The following RFX8 variants were observed in gnomAD, a reference collection of about 807,000 sequenced individuals.
The protein encoded by RFX8 is DNA-binding protein RFX8.
A neutral mutation model predicts 54.6 loss-of-function variants in RFX8; 46 were observed. The ratio of observed to expected loss-of-function variants is 0.84; its 90% CI spans 0.67 to 1.08. The LOEUF is 1.08. Among genes scored for constraint, RFX8 ranks in the 50% least tolerant of loss-of-function variants. The pLI is 0.00. For synonymous variants in RFX8, 192 were observed against 209.5 expected, an observed-to-expected ratio of 0.92 and a Z score of 0.72; for missense variants, 536 against 562.3, an observed-to-expected ratio of 0.95 and a Z score of 0.47.
At chr2:101,439,552 T>C (rs1445819485) in intron 2 of RFX8, among the ~76,000 whole-genome samples, 2 of 152,060 alleles carry the variant, frequency 1.3e-5, no homozygotes, top group East Asian at 3.8e-4. Context: ...TCATATACAT[T>C]ATGAGTTAAT....
chr2:101,444,744 C>T (rs1688278620), intron 2 of RFX8, among the ~76,000 whole-genome samples: 1 of 152,098 alleles, frequency 6.6e-6, no homozygotes, highest in African/African-American at 2.4e-5. Context: ...TATATGAATA[C>T]CATGAAAAAA....
At chr2:101,411,855 G>A (rs1340531685) in intron 8 of RFX8, among the ~76,000 whole-genome samples, 1 of 152,098 alleles carries the variant, frequency 6.6e-6, no homozygotes, top group Non-Finnish European at 1.5e-5. Flanking sequence ...CCCTACCAAG[G>A]CCAGCCCTAC....
In RFX8 at chr2:101,466,812, T is replaced by G; in HGVS notation, c.37A>C (p.Thr13Pro). 6.4e-7 allele frequency: 1 copy of G among 1,551,672 alleles called. No individual in the cohort carries two copies. The highest frequency in any genetic ancestry group is 8.7e-7 in the Non-Finnish European group (1 of 1,146,946). Reference sequence around the variant, plus strand: ...GTGGCCGGGTTGACTTGGTTCTCAGTGTTTTGCCCACAGGTCTCCACGTAA... The same window carrying G: ...GTGGCCGGGTTGACTTGGTTCTCAGGGTTTTGCCCACAGGTCTCCACGTAA... ...EIYVETCGQN[T>P]ENQVNPATFG... is the part of the protein sequence containing the mutation. The change falls in exon 2 of 12, where the codon ACT (threonine) becomes CCT (proline). Residue 13 changes from threonine (T) to proline (P), a missense_variant. Physicochemically the swap from Thr to Pro is conservative, Grantham distance 38. Transcript: ENST00000428343.
At chr2:101,421,581 T>C (rs1352548108) in intron 4 of RFX8, 143 bp downstream of exon 4, 10 of 1,416,048 alleles carry the variant, frequency 7.1e-6, no homozygotes, top group East Asian at 2.6e-5. Context: ...CATAGGTACA[T>C]AGCATGTAAG....
At chr2:101,463,000 C>T (rs553181872) in intron 2 of RFX8, among the ~76,000 whole-genome samples, 304 of 152,248 alleles carry the variant, frequency 2.0e-3, no homozygotes, top group African/African-American at 6.7e-3. Flanking sequence ...AAAGAGGAGA[C>T]AAAAATCAAA....
At chr2:101,469,020 A>ATATATATGTATATATATAGG (rs1689753363) in intron 1 of RFX8, among the ~76,000 whole-genome samples, 2 of 100,750 alleles carry the variant, frequency 2.0e-5, no homozygotes, top group Admixed American at 1.1e-4. Context: ...ATATATAGGT[A>ATATATATGTATATATATAGG]TATATATATA....
intron 11 of RFX8, among the ~76,000 whole-genome samples, chr2:101,399,905 T>G (rs1052387678): frequency 6.6e-6 from 1 of 152,152 alleles, no homozygotes; most frequent in Non-Finnish European, 1.5e-5. Context: ...TAGAAAACAC[T>G]GTTGGGGAGA....
chr2:101,442,701 G>A lies in RFX8; in HGVS notation c.73-20229C>T, dbSNP rs967193751. ...TGTTTTCAAAAGCTTAATTTTCAGAGCCTTTGTGGTGTTGTTTCAGCCTGC... is the reference window on the plus strand; with the variant it reads ...TGTTTTCAAAAGCTTAATTTTCAGAACCTTTGTGGTGTTGTTTCAGCCTGC... On this transcript the variant is annotated intron_variant, in intron 2 of 11. Coordinates refer to ENST00000428343, the MANE Select transcript of RFX8 (RefSeq NM_001145664.2). 4.6e-5 allele frequency among the ~76,000 whole-genome samples: 7 copies of A among 152,130 alleles called. 1 individual carries two copies. In the South Asian group the frequency reaches 1.3e-3, roughly 27 times the overall value.
intron 1 of RFX8, among the ~76,000 whole-genome samples, chr2:101,473,325 C>T (rs1690115316): frequency 1.3e-5 from 2 of 152,120 alleles, no homozygotes; most frequent in South Asian, 2.1e-4. Flanking sequence ...GCATGAGGGG[C>T]CTGGGTCGGT....
intron 2 of RFX8, among the ~76,000 whole-genome samples, chr2:101,456,497 T>C (rs1167180111): frequency 1.3e-5 from 2 of 152,240 alleles, no homozygotes; most frequent in East Asian, 3.8e-4. Context: ...TGGTTCTGTT[T>C]ATGTGATGGG....
intron 2 of RFX8, among the ~76,000 whole-genome samples, chr2:101,434,289 TAAC>T (rs969842752): frequency 6.6e-6 from 1 of 152,220 alleles, no homozygotes; most frequent in Non-Finnish European, 1.5e-5. Flanking sequence ...AACTGAAAAT[TAAC>T]AAGAACAATC....
chr2:101,474,168 T>A (rs1327865383), intron 1 of RFX8: 9 of 591,102 alleles, frequency 1.5e-5, no homozygotes, highest in Non-Finnish European at 2.7e-5. Context: ...CCCCACCTCC[T>A]CCATCCCAGC....
chr2:101,402,378 C>T (rs1685481932), intron 11 of RFX8, 58 bp downstream of exon 11: 1 of 1,327,934 alleles, frequency 7.5e-7, no homozygotes, highest in African/African-American at 1.5e-5. Flanking sequence ...TTACTAATCA[C>T]CTGTGGCTCT....
chr2:101,469,123 A>T (rs1436475358), intron 1 of RFX8, among the ~76,000 whole-genome samples: 6 of 105,586 alleles, frequency 5.7e-5, no homozygotes, highest in South Asian at 5.5e-4. Flanking sequence ...TATATATATA[A>T]GTATATATAT....
intron 9 of RFX8, among the ~76,000 whole-genome samples, chr2:101,408,916 A>G (rs1489215593): frequency 6.6e-6 from 1 of 152,194 alleles, no homozygotes; most frequent in African/African-American, 2.4e-5. Context: ...GGCACAAGGG[A>G]GTGGCCACAA....
chr2:101,471,374 G>A (rs1689982504), intron 1 of RFX8, among the ~76,000 whole-genome samples: 1 of 152,050 alleles, frequency 6.6e-6, no homozygotes, highest in Non-Finnish European at 1.5e-5. Flanking sequence ...AAAATGTCAT[G>A]AGCCCCCCAC....
chr2:101,467,713 A>G (rs1689653626), intron 1 of RFX8, among the ~76,000 whole-genome samples: 1 of 152,072 alleles, frequency 6.6e-6, no homozygotes, highest in Non-Finnish European at 1.5e-5. Context: ...GCTGAGGTTC[A>G]CAGACCAGCC....
In RFX8 at chr2:101,468,980, A is replaced by G. The variant is rs114875982; in HGVS notation, c.-52-2080T>C. 8.0e-3 allele frequency among the ~76,000 whole-genome samples: 902 copies of G among 113,310 alleles called. 16 individuals are homozygous for G. Among genetic ancestry groups the G allele is most frequent in the African/African-American group, 0.026 (850 of 32,262 alleles). 74.3% of individuals were successfully genotyped at this position (113,310 alleles called of 152,430 possible). A position where few individuals can be genotyped will look rare whatever the true frequency, so the allele number is the denominator to read the frequency against. ...AGCCAGCATATATATATATGTAAGT[A>G]TATATATATAAGTATATATATACGT... On this transcript the variant is annotated intron_variant, in intron 1 of 11. Coordinates refer to ENST00000428343, the MANE Select transcript of RFX8 (RefSeq NM_001145664.2).
chr2:101,428,666 A>G (rs1338741066), intron 2 of RFX8, among the ~76,000 whole-genome samples: 5 of 152,228 alleles, frequency 3.3e-5, no homozygotes, highest in Non-Finnish European at 5.9e-5. Flanking sequence ...CACTTCAGAC[A>G]CATTTATTGC....
Sources: gnomAD v4.1 joint callset for allele counts (sites outside exome capture counted in the v4.1 genomes callset) on GRCh38, gnomAD v4.1.1 for gene constraint, MANE v1.5 for transcripts, NCBI Gene and HGNC (gene_info 2026-07-23, HGNC 2026-07-21) for gene names.